ST8SIA2: variants seen among roughly 807,000 people sequenced by gnomAD.
ST8SIA2 encodes the protein ST8 alpha-N-acetyl-neuraminide alpha-2,8-sialyltransferase 2.
Under a neutral mutation model 37.6 loss-of-function variants are expected in ST8SIA2, and 22 were observed. The ratio of observed to expected loss-of-function variants is 0.58; its 90% CI spans 0.42 to 0.83. The LOEUF is 0.83. ST8SIA2 is among the 40% of genes least tolerant of loss of function. ST8SIA2 has a pLI of 0.00. For missense variants in ST8SIA2, 382 were observed against 484.7 expected (o/e 0.79, Z 1.99); for synonymous variants, 205 against 201.2 (o/e 1.02, Z -0.16).
chr15:92,402,340 C>G (rs2141798980), intron 1 of ST8SIA2, among the ~76,000 whole-genome samples: 1 of 152,294 alleles, frequency 6.6e-6, no homozygotes, highest in Middle Eastern at 3.4e-3. Context: ...GTATTCACAC[C>G]TGTAATCCTC....
At position 92,444,721 on chromosome 15, in the gene ST8SIA2, C is replaced by T. The variant is rs778789124; in HGVS notation, c.634C>T (p.Arg212Trp). The T allele has an allele frequency of 1.2e-6, 2 of 1,614,204 alleles. No individual in the cohort carries two copies. Among genetic ancestry groups the T allele is most frequent in the South Asian group, 1.1e-5 (1 of 91,086 alleles). ...AACCATGAACCCCTCGGTCATCCAG[C>T]GGGCCTTTGAGGACTTGGTCAATGC... ...LVTMNPSVIQ[R>W]AFEDLVNATW... The change falls in exon 5 of 6, where the codon CGG becomes TGG. Residue 212 changes from arginine (R) to tryptophan (W), a missense_variant. Coordinates refer to ENST00000268164, the MANE Select transcript of ST8SIA2 (RefSeq NM_006011.4).
intron 4 of ST8SIA2, among the ~76,000 whole-genome samples, chr15:92,444,324 A>G (rs1239779873): frequency 6.6e-6 from 1 of 152,178 alleles, no homozygotes; most frequent in Non-Finnish European, 1.5e-5. Context: ...CAACAGCATC[A>G]TCATCTTGTG....
At chr15:92,443,926 G>A (rs111274163) in intron 4 of ST8SIA2, among the ~76,000 whole-genome samples, 21 of 152,256 alleles carry the variant, frequency 1.4e-4, no homozygotes, top group Non-Finnish European at 3.1e-4. Context: ...CGCCTGGGGT[G>A]ATTCTTCTGA....
chr15:92,415,481 G>A (rs2049579899), intron 1 of ST8SIA2, among the ~76,000 whole-genome samples: 1 of 151,856 alleles, frequency 6.6e-6, no homozygotes, highest in Non-Finnish European at 1.5e-5. Context: ...TAGGGTCCAG[G>A]CAAGTCACAG....
intron 1 of ST8SIA2, among the ~76,000 whole-genome samples, chr15:92,421,455 A>G (rs2049633379): frequency 1.3e-5 from 2 of 152,244 alleles, no homozygotes; most frequent in South Asian, 4.1e-4. Context: ...CAAAAGAAGA[A>G]TAACATCAGT....
At chr15:92,436,295 A>G (rs111353089) in intron 3 of ST8SIA2, among the ~76,000 whole-genome samples, 2,474 of 152,002 alleles carry the variant, frequency 0.016, 33 homozygotes, top group Middle Eastern at 0.031. Flanking sequence ...TGAGCTACCC[A>G]TGGTCCCCAA....
chr15:92,429,202 C>T (rs1481722103), intron 1 of ST8SIA2, among the ~76,000 whole-genome samples: 2 of 152,154 alleles, frequency 1.3e-5, no homozygotes, highest in Admixed American at 6.5e-5. Context: ...CACCGCATAC[C>T]CCATCATTTT....
Position 92,395,144 on chromosome 15 carries a change from G to A in ST8SIA2, c.98+982G>A, listed in dbSNP as rs1040009773. ...CCAAAGGGCGGTAGACGACAGGTGG[G>A]GAGGCAGCCGGGGTTCTGAGGAGGC... On this transcript the variant is annotated intron_variant, in intron 1 of 5. Coordinates refer to ENST00000268164, the MANE Select transcript of ST8SIA2 (RefSeq NM_006011.4). Among the ~76,000 whole-genome samples, 17 of 152,302 alleles carry A rather than the reference G, an allele frequency of 1.1e-4. No individual in the cohort carries two copies. In the East Asian group the frequency reaches 3.1e-3, roughly 28 times the overall value.
intron 5 of ST8SIA2, among the ~76,000 whole-genome samples, chr15:92,448,026 AT>A (rs1252607740): frequency 1.3e-5 from 2 of 152,196 alleles, no homozygotes; most frequent in African/African-American, 2.4e-5. Flanking sequence ...TGAATGGGGA[AT>A]GGGCAACCAC....
intron 3 of ST8SIA2, among the ~76,000 whole-genome samples, chr15:92,434,907 C>CAG (rs1053912811): frequency 4.4e-5 from 5 of 113,468 alleles, no homozygotes; most frequent in Non-Finnish European, 9.8e-5. Flanking sequence ...GACCAGAAAG[C>CAG]AGAGGTCTGT....
At chr15:92,419,950 C>T (rs1256969105) in intron 1 of ST8SIA2, among the ~76,000 whole-genome samples, 1 of 152,216 alleles carries the variant, frequency 6.6e-6, no homozygotes, top group East Asian at 1.9e-4. Flanking sequence ...ACTGCAACCT[C>T]CGCCTCCTGA....
chr15:92,406,661 G>A (rs563175941), intron 1 of ST8SIA2, among the ~76,000 whole-genome samples: 19 of 152,176 alleles, frequency 1.2e-4, no homozygotes, highest in African/African-American at 4.6e-4. Context: ...CCATCACAGA[G>A]TCAGCCTAGA....
chr15:92,400,678 C>T (rs1244875777), intron 1 of ST8SIA2, among the ~76,000 whole-genome samples: 1 of 152,184 alleles, frequency 6.6e-6, no homozygotes, highest in African/African-American at 2.4e-5. Flanking sequence ...GCCCAGATGC[C>T]AAGCCTCTGC....
chr15:92,418,211 TG>T (rs1433840362), intron 1 of ST8SIA2, among the ~76,000 whole-genome samples: 2 of 151,962 alleles, frequency 1.3e-5, no homozygotes, highest in African/African-American at 4.8e-5. Flanking sequence ...CCCAGCAGTT[TG>T]GGAGGCTGAG....
At chr15:92,436,547 A>T (rs2141833037) in intron 3 of ST8SIA2, among the ~76,000 whole-genome samples, 1 of 152,384 alleles carries the variant, frequency 6.6e-6, no homozygotes, top group African/African-American at 2.4e-5. Context: ...CTAATTAGTT[A>T]GAAATTAATT....
intron 5 of ST8SIA2, among the ~76,000 whole-genome samples, chr15:92,450,585 A>C (rs1312582149): frequency 6.6e-6 from 1 of 152,146 alleles, no homozygotes; most frequent in East Asian, 1.9e-4. Flanking sequence ...TGGCAGGAGC[A>C]AGAGAGAGAG....
intron 5 of ST8SIA2, among the ~76,000 whole-genome samples, chr15:92,460,417 G>T (rs1027043553): frequency 6.6e-6 from 1 of 152,204 alleles, no homozygotes; most frequent in African/African-American, 2.4e-5. Flanking sequence ...AGGAGGGGGT[G>T]AGCTCCCTGT....
At chr15:92,454,484 C>T (rs899018938) in intron 5 of ST8SIA2, among the ~76,000 whole-genome samples, 1 of 152,088 alleles carries the variant, frequency 6.6e-6, no homozygotes, top group East Asian at 1.9e-4. Flanking sequence ...AAATTCAACC[C>T]ATAACAGCTG....
intron 3 of ST8SIA2, among the ~76,000 whole-genome samples, chr15:92,434,893 A>G (rs2141831595): frequency 7.1e-6 from 1 of 140,604 alleles, no homozygotes; most frequent in Non-Finnish European, 1.6e-5. Context: ...CTGACATGAC[A>G]CCCGACCAGA....
Sources: allele counts gnomAD v4.1 joint callset (sites outside exome capture counted in the v4.1 genomes callset), GRCh38; gene constraint gnomAD v4.1.1; transcripts MANE v1.5; gene names NCBI Gene and HGNC (gene_info 2026-07-23, HGNC 2026-07-21).